NLGN1: variants seen among roughly 807,000 people sequenced by gnomAD.
The protein encoded by NLGN1 is neuroligin 1, also known as neuroligin-1.
Under a neutral mutation model 65.5 loss-of-function variants are expected in NLGN1, and 12 were observed. The ratio of observed to expected loss-of-function variants is 0.18; its 90% CI spans 0.12 to 0.30. The LOEUF is 0.30. Among genes scored for constraint, NLGN1 ranks in the 10% least tolerant of loss-of-function variants. The pLI is 1.00. For synonymous variants in NLGN1, 350 were observed against 359.5 expected (o/e 0.97, Z 0.30); for missense variants, 750 against 1,007.1 (o/e 0.74, Z 3.46).
intron 2 of NLGN1, among the ~76,000 whole-genome samples, chr3:173,473,989 T>C (rs1725757993): frequency 6.6e-6 from 1 of 152,130 alleles, no homozygotes; most frequent in South Asian, 2.1e-4. Context: ...ATAAAAAGAG[T>C]GCCAGCGTTA....
chr3:173,586,732 G>T (rs1747516780), intron 2 of NLGN1, among the ~76,000 whole-genome samples: 1 of 152,038 alleles, frequency 6.6e-6, no homozygotes, highest in Non-Finnish European at 1.5e-5. Flanking sequence ...TTTTTACTCT[G>T]CTATAACCCA....
At chr3:174,260,337 C>G (rs1229946626) in intron 4 of NLGN1, among the ~76,000 whole-genome samples, 1 of 149,020 alleles carries the variant, frequency 6.7e-6, no homozygotes, top group Non-Finnish European at 1.5e-5. Context: ...CACATCCTCT[C>G]CAGCACCTGT....
chr3:173,926,338 C>T (rs9881837), intron 4 of NLGN1, among the ~76,000 whole-genome samples: 7,131 of 152,102 alleles, frequency 0.047, 305 homozygotes, highest in African/African-American at 0.12. Flanking sequence ...ACGTCTAAGT[C>T]TCCAACTCTA....
intron 4 of NLGN1, among the ~76,000 whole-genome samples, chr3:173,811,397 C>G (rs932759364): frequency 3.3e-5 from 5 of 151,866 alleles, no homozygotes; most frequent in Non-Finnish European, 7.4e-5. Context: ...AACCCTGTCT[C>G]TAGTAAAAAT....
At chr3:174,038,321 G>A (rs1731573992) in intron 4 of NLGN1, among the ~76,000 whole-genome samples, 3 of 152,100 alleles carry the variant, frequency 2.0e-5, no homozygotes, top group Admixed American at 6.5e-5. Flanking sequence ...CTTTTCTATC[G>A]AGTGTACTAG....
Position 173,736,686 on chromosome 3 carries a change from G to C in NLGN1, c.494-70994G>C, listed in dbSNP as rs550541547. Among the ~76,000 whole-genome samples, 5 of 151,882 alleles carry C rather than the reference G, an allele frequency of 3.3e-5. No individual in the cohort carries two copies. The South Asian group carries it at 1.0e-3, about 31-fold the overall frequency. On this transcript the variant is annotated intron_variant, in intron 3 of 6. Coordinates refer to ENST00000457714, the Ensembl canonical transcript of NLGN1. ...AAATAATTTTGTCTTGGAAATTCAA[G>C]TACCTACAAAATATTAAAGGTGCTA...
intron 3 of NLGN1, among the ~76,000 whole-genome samples, chr3:173,616,677 G>A (rs764420734): frequency 2.0e-5 from 3 of 152,028 alleles, no homozygotes; most frequent in Admixed American, 6.6e-5. Context: ...CCTGGTGCAC[G>A]CTCTCCTTCC....
intron 4 of NLGN1, among the ~76,000 whole-genome samples, chr3:174,162,784 G>T (rs553993098): frequency 3.1e-4 from 46 of 150,572 alleles, no homozygotes; most frequent in Non-Finnish European, 5.6e-4. Context: ...CTAGTGTGTT[G>T]TCATAGCCTA....
chr3:173,817,115 G>A (rs925681077), intron 4 of NLGN1, among the ~76,000 whole-genome samples: 4 of 152,132 alleles, frequency 2.6e-5, no homozygotes, highest in Admixed American at 6.5e-5. Flanking sequence ...GTCATAAAGC[G>A]GAGAAGGCAG....
At chr3:173,449,113 T>C (rs1194000383) in intron 2 of NLGN1, among the ~76,000 whole-genome samples, 1 of 152,254 alleles carries the variant, frequency 6.6e-6, no homozygotes, top group African/African-American at 2.4e-5. Flanking sequence ...AGCTTTTGAA[T>C]GTGTTTGCTC....
chr3:173,863,565 A>G (rs1398687263), intron 4 of NLGN1, among the ~76,000 whole-genome samples: 2 of 152,354 alleles, frequency 1.3e-5, no homozygotes, highest in South Asian at 2.1e-4. Context: ...CATTCTGAAT[A>G]TCTTTAATAG....
chr3:173,917,430 C>G (rs1359858526), intron 4 of NLGN1, among the ~76,000 whole-genome samples: 7 of 152,032 alleles, frequency 4.6e-5, no homozygotes, highest in African/African-American at 1.7e-4. Context: ...TGGCATAACA[C>G]CAGGAACATA....
At chr3:173,786,026 A>C (rs185087779) in intron 3 of NLGN1, among the ~76,000 whole-genome samples, 2 of 152,354 alleles carry the variant, frequency 1.3e-5, no homozygotes, top group African/African-American at 4.8e-5. Context: ...AATGTGGTAC[A>C]TAGACCTCAT....
At chr3:173,984,236 TC>T (rs1252456131) in intron 4 of NLGN1, among the ~76,000 whole-genome samples, 1 of 152,190 alleles carries the variant, frequency 6.6e-6, no homozygotes, top group African/African-American at 2.4e-5. Flanking sequence ...GGCTCCTGCT[TC>T]TGCTGGCTTA....
intron 1 of NLGN1, among the ~76,000 whole-genome samples, chr3:173,431,345 T>G (rs1184995458): frequency 3.3e-5 from 5 of 152,136 alleles, no homozygotes; most frequent in Non-Finnish European, 7.3e-5. Context: ...TCTTTAGGAA[T>G]AAGAGTAGTT....
At chr3:173,791,918 A>G (rs1386024412) in intron 3 of NLGN1, among the ~76,000 whole-genome samples, 1 of 152,126 alleles carries the variant, frequency 6.6e-6, no homozygotes, top group Non-Finnish European at 1.5e-5. Flanking sequence ...TTCTAGCTCT[A>G]GCGTCCTATG....
rs1443462163 is a variant in NLGN1 at position 174,280,805 on chromosome 3, C to T, written c.1974C>T (p.Pro658=). ...TTCCCACTGCCAAGCAGGATGATCC[C>T]AAACAACAACCAAGTCCATTTTCAG... Residue 658 remains proline (P), a synonymous_variant, in exon 7 of 7, where the codon CCC becomes CCT. Transcript: ENST00000457714. This position sits in a 1 kb window ranked among gnomAD's most constrained non-coding sequence, Gnocchi z 4.9. The T allele has an allele frequency of 6.2e-7, 1 of 1,613,418 alleles. No homozygotes were observed. The highest frequency in any genetic ancestry group is 1.7e-4 in the Middle Eastern group (1 of 6,052).
At chr3:173,443,027 C>T (rs1200949070) in intron 2 of NLGN1, among the ~76,000 whole-genome samples, 1 of 151,988 alleles carries the variant, frequency 6.6e-6, no homozygotes, top group African/African-American at 2.4e-5. Flanking sequence ...TGTCAGCAGT[C>T]TTTCCAGGGG....
chr3:173,745,040 A>G (rs6776920), intron 3 of NLGN1, among the ~76,000 whole-genome samples: 1 of 152,062 alleles, frequency 6.6e-6, no homozygotes, highest in Non-Finnish European at 1.5e-5. Flanking sequence ...CACATTCTTA[A>G]TGGCTCATCC....
Sources: allele counts gnomAD v4.1 joint callset (sites outside exome capture counted in the v4.1 genomes callset), GRCh38; gene constraint gnomAD v4.1.1; non-coding constraint Gnocchi (gnomAD v3.1); transcripts MANE v1.5; gene names NCBI Gene and HGNC (gene_info 2026-07-23, HGNC 2026-07-21).